CSMD1: variants seen among roughly 807,000 people sequenced by gnomAD.
The protein encoded by CSMD1 is CUB and Sushi multiple domains 1.
CSMD1 carries 213 observed loss-of-function variants against 417.5 expected under a neutral mutation model. That is an observed-to-expected ratio of 0.51 (90% confidence interval 0.46 to 0.57). CSMD1 has a LOEUF of 0.57. CSMD1 is among the 20% of genes least tolerant of loss of function. CSMD1 has a pLI of 0.00. For synonymous variants in CSMD1, 2,862 were observed against 1,736.8 expected, an observed-to-expected ratio of 1.65 and a Z score of -16.11; for missense variants, 6,923 against 4,529.7, an observed-to-expected ratio of 1.53 and a Z score of -15.17.
chr8:4,593,098 C>A (rs1800071569), intron 2 of CSMD1, among the ~76,000 whole-genome samples: 1 of 152,216 alleles, frequency 6.6e-6, no homozygotes, highest in Non-Finnish European at 1.5e-5. Flanking sequence ...GCATCCGGGC[C>A]ATTTCTTGGT....
At chr8:3,597,358 G>A (rs900213) in intron 8 of CSMD1, among the ~76,000 whole-genome samples, 45,775 of 148,704 alleles carry the variant, frequency 0.31, 8,346 homozygotes, top group Middle Eastern at 0.44. Context: ...CCTCACTCTC[G>A]CTTCACTGGA....
At chr8:3,921,296 T>A (rs930549783) in intron 5 of CSMD1, among the ~76,000 whole-genome samples, 1 of 152,138 alleles carries the variant, frequency 6.6e-6, no homozygotes, top group Admixed American at 6.6e-5. Flanking sequence ...GAGTCTTCTC[T>A]TTTCTACTTA....
intron 1 of CSMD1, among the ~76,000 whole-genome samples, chr8:4,671,766 C>T: frequency 6.6e-6 from 1 of 152,202 alleles, no homozygotes; most frequent in South Asian, 2.1e-4. Context: ...CTTGCACGCT[C>T]ACAAGCATGC....
chr8:4,976,090 C>A (rs1810546409), intron 1 of CSMD1, among the ~76,000 whole-genome samples: 1 of 152,086 alleles, frequency 6.6e-6, no homozygotes, highest in South Asian at 2.1e-4. Context: ...CATGTTCTCA[C>A]CTATTACTGG....
intron 3 of CSMD1, among the ~76,000 whole-genome samples, chr8:4,116,313 C>T (rs889925007): frequency 2.6e-5 from 4 of 152,134 alleles, no homozygotes; most frequent in Non-Finnish European, 2.9e-5. Context: ...ATCTTTAGGA[C>T]GGTGAAACCA....
chr8:4,347,284 T>A (rs1283830858), intron 3 of CSMD1, among the ~76,000 whole-genome samples: 1 of 152,122 alleles, frequency 6.6e-6, no homozygotes, highest in Non-Finnish European at 1.5e-5. Context: ...CTTGGCCCTC[T>A]CTAAACAGCA....
intron 13 of CSMD1, among the ~76,000 whole-genome samples, chr8:3,408,524 G>C (rs532750859): frequency 6.8e-6 from 1 of 147,258 alleles, no homozygotes; most frequent in African/African-American, 2.7e-5. Context: ...ATAATTTCTA[G>C]TTATAATTTT....
chr8:3,328,654 G>T (rs1806693099), intron 23 of CSMD1, among the ~76,000 whole-genome samples: 1 of 152,066 alleles, frequency 6.6e-6, no homozygotes, highest in Admixed American at 6.5e-5. Flanking sequence ...CATATCCACG[G>T]TCTTATCAGA....
chr8:4,343,780 A>T (rs1431229044), intron 3 of CSMD1, among the ~76,000 whole-genome samples: 1 of 151,980 alleles, frequency 6.6e-6, no homozygotes, highest in Non-Finnish European at 1.5e-5. Flanking sequence ...CTCATCCTAC[A>T]CGTTCCGTAT....
intron 52 of CSMD1, among the ~76,000 whole-genome samples, chr8:3,012,399 T>C (rs1460631596): frequency 6.6e-6 from 1 of 152,148 alleles, no homozygotes; most frequent in Non-Finnish European, 1.5e-5. Flanking sequence ...CCAGCTGCAA[T>C]ACTCAAAAAG....
chr8:4,303,332 A>G (rs1358439953), intron 3 of CSMD1, among the ~76,000 whole-genome samples: 1 of 151,962 alleles, frequency 6.6e-6, no homozygotes, highest in African/African-American at 2.4e-5. Flanking sequence ...TATTAAAGGA[A>G]GCAAAAATTA....
intron 5 of CSMD1, among the ~76,000 whole-genome samples, chr8:3,975,700 A>G (rs1036954419): frequency 1.3e-5 from 2 of 152,234 alleles, no homozygotes; most frequent in South Asian, 2.1e-4. Flanking sequence ...TTTAAAAGCC[A>G]TGGTTGACAA....
intron 3 of CSMD1, among the ~76,000 whole-genome samples, chr8:4,066,153 C>G (rs1198484254): frequency 6.6e-6 from 1 of 152,202 alleles, no homozygotes; most frequent in Non-Finnish European, 1.5e-5. Context: ...TTGGAAGACT[C>G]ACCCATTATT....
intron 3 of CSMD1, among the ~76,000 whole-genome samples, chr8:4,086,580 T>G (rs558021959): frequency 8.5e-5 from 13 of 152,334 alleles, no homozygotes; most frequent in African/African-American, 3.1e-4. Context: ...CAATCTCCTC[T>G]ACTGATGCAG....
chr8:4,946,578 T>C (rs986533416), intron 1 of CSMD1, among the ~76,000 whole-genome samples: 2 of 152,168 alleles, frequency 1.3e-5, no homozygotes, highest in South Asian at 2.1e-4. Context: ...TATAAGTGAA[T>C]AGAACACTAA....
intron 6 of CSMD1, among the ~76,000 whole-genome samples, chr8:3,750,660 C>T (rs563047281): frequency 1.3e-5 from 2 of 152,106 alleles, no homozygotes; most frequent in African/African-American, 4.8e-5. Flanking sequence ...AATGTTTTCC[C>T]TGCTTGACAG....
At chr8:4,804,616 G>C (rs1039062736) in intron 1 of CSMD1, among the ~76,000 whole-genome samples, 6 of 151,768 alleles carry the variant, frequency 4.0e-5, no homozygotes, top group Non-Finnish European at 7.4e-5. Flanking sequence ...AGGAAGACAG[G>C]GGATATAAAA....
intron 6 of CSMD1, among the ~76,000 whole-genome samples, chr8:3,712,159 TACTAC>T (rs749731233): frequency 0.56 from 85,163 of 151,778 alleles, 24,021 homozygotes; most frequent in Admixed American, 0.63. Context: ...TGTTTCAAGT[TACTAC>T]GTTCTCTTAT....
rs140581345 is a variant in CSMD1, at chr8:3,415,591, T to C, written c.1562-5986A>G. Among the ~76,000 whole-genome samples, 1,388 of 152,318 alleles carry C rather than the reference T, an allele frequency of 9.1e-3. 23 individuals are homozygous for C. Among genetic ancestry groups the C allele is most frequent in the African/African-American group, 0.031 (1,281 of 41,568 alleles). ...CCACGCTGGTCTCCAACTCCTGGCCTCAAGTGATCTGCCCTCCTCTAGCCT... is the reference window on the plus strand; with the variant it reads ...CCACGCTGGTCTCCAACTCCTGGCCCCAAGTGATCTGCCCTCCTCTAGCCT... On this transcript the variant is annotated intron_variant, in intron 12 of 69. Transcript: ENST00000635120.
Sources: gnomAD v4.1 joint callset for allele counts (sites outside exome capture counted in the v4.1 genomes callset) on GRCh38, gnomAD v4.1.1 for gene constraint, MANE v1.5 for transcripts, NCBI Gene and HGNC (gene_info 2026-07-23, HGNC 2026-07-21) for gene names.